The following MAN1A1 variants were observed in gnomAD, a reference collection of about 807,000 sequenced individuals.
MAN1A1 encodes mannosyl-oligosaccharide 1,2-alpha-mannosidase IA.
MAN1A1 carries 29 observed loss-of-function variants against 70.8 expected under a neutral mutation model. The ratio of observed to expected loss-of-function variants is 0.41; its 90% CI spans 0.31 to 0.56. MAN1A1 has a LOEUF of 0.56. Among genes scored for constraint, MAN1A1 ranks in the 20% least tolerant of loss-of-function variants. The pLI is 0.29. For synonymous variants in MAN1A1, 349 were observed against 330.1 expected (o/e 1.06, Z -0.62); for missense variants, 747 against 841.3 (o/e 0.89, Z 1.39).
chr6:119,246,269 G>A (rs1423149289), intron 6 of MAN1A1, among the ~76,000 whole-genome samples: 1 of 152,096 alleles, frequency 6.6e-6, no homozygotes, highest in Non-Finnish European at 1.5e-5. Flanking sequence ...AGAGAAACTA[G>A]CTTCACAGAA....
At chr6:119,257,875 T>C (rs528588336) in intron 5 of MAN1A1, among the ~76,000 whole-genome samples, 63 of 152,288 alleles carry the variant, frequency 4.1e-4, no homozygotes, top group African/African-American at 1.5e-3. Flanking sequence ...CATTATACAG[T>C]GCCTAAAGCT....
chr6:119,329,271 T>C (rs929514897), intron 2 of MAN1A1, among the ~76,000 whole-genome samples: 6 of 152,202 alleles, frequency 3.9e-5, no homozygotes, highest in Admixed American at 3.9e-4. Flanking sequence ...TGAGTACTGA[T>C]TCATAAGACA....
At chr6:119,325,833 G>T (rs75422921) in intron 2 of MAN1A1, among the ~76,000 whole-genome samples, 4,250 of 152,216 alleles carry the variant, frequency 0.028, 93 homozygotes, top group Non-Finnish European at 0.045. Context: ...CCCTACATGT[G>T]GATACAGCAT....
chr6:119,251,793 C>T (rs1775324167), intron 5 of MAN1A1, among the ~76,000 whole-genome samples: 1 of 152,214 alleles, frequency 6.6e-6, no homozygotes, highest in South Asian at 2.1e-4. Context: ...CCACAGGGCT[C>T]CTATGAGTAG....
chr6:119,186,223 G>A (rs964596908), intron 11 of MAN1A1, among the ~76,000 whole-genome samples: 2 of 152,128 alleles, frequency 1.3e-5, no homozygotes, highest in African/African-American at 4.8e-5. Flanking sequence ...GAAAGTCCTT[G>A]GGTTGATGAG....
chr6:119,241,321 T>C (rs1774997604), intron 6 of MAN1A1, among the ~76,000 whole-genome samples: 1 of 152,206 alleles, frequency 6.6e-6, no homozygotes, highest in African/African-American at 2.4e-5. Flanking sequence ...CAGGCCCTAC[T>C]CCTGCTTCCC....
At chr6:119,218,231 A>G (rs1046309689) in intron 6 of MAN1A1, among the ~76,000 whole-genome samples, 1 of 151,976 alleles carries the variant, frequency 6.6e-6, no homozygotes, top group Non-Finnish European at 1.5e-5. Context: ...TTTGATAAAA[A>G]TTTTCAATTT....
chr6:119,265,825 G>A (rs766382327), intron 5 of MAN1A1, among the ~76,000 whole-genome samples: 1 of 152,036 alleles, frequency 6.6e-6, no homozygotes, highest in South Asian at 2.1e-4. Flanking sequence ...TAGGAAAGAA[G>A]AAAAATAAAA....
chr6:119,339,517 G>T (rs1773546361), intron 2 of MAN1A1, among the ~76,000 whole-genome samples: 2 of 152,104 alleles, frequency 1.3e-5, no homozygotes, highest in Non-Finnish European at 1.5e-5. Flanking sequence ...CCGGCGTCGG[G>T]GGGTGGGAAC....
At chr6:119,350,279 C>A (rs1455394886), upstream of MAN1A1, among the ~76,000 whole-genome samples, 2 of 152,158 alleles carry the variant, frequency 1.3e-5, no homozygotes, top group Admixed American at 6.5e-5. Flanking sequence ...CAGTTACCCT[C>A]TTTTTATCCA....
At chr6:119,350,138 G>T (rs1773868396), upstream of MAN1A1, among the ~76,000 whole-genome samples, 2 of 152,160 alleles carry the variant, frequency 1.3e-5, no homozygotes, top group African/African-American at 4.8e-5. Context: ...GCCTGGGTCC[G>T]CGCGGGACCT....
intron 5 of MAN1A1, among the ~76,000 whole-genome samples, chr6:119,271,123 A>C (rs1323020377): frequency 6.6e-6 from 1 of 152,132 alleles, no homozygotes; most frequent in Non-Finnish European, 1.5e-5. Flanking sequence ...ACAACTCTAC[A>C]TTTCACTGGA....
At chr6:119,226,621 A>G (rs752831031) in intron 6 of MAN1A1, among the ~76,000 whole-genome samples, 4 of 152,220 alleles carry the variant, frequency 2.6e-5, no homozygotes, top group Non-Finnish European at 5.9e-5. Flanking sequence ...ATTCATAGGC[A>G]TCTACCAAGA....
chr6:119,222,816 A>C (rs1439592751), intron 6 of MAN1A1, among the ~76,000 whole-genome samples: 2 of 152,148 alleles, frequency 1.3e-5, no homozygotes, highest in African/African-American at 4.8e-5. Context: ...GGAGGAGAAA[A>C]ATCCAGCTTC....
chr6:119,313,574 C>T (rs941400131), intron 2 of MAN1A1, among the ~76,000 whole-genome samples: 2 of 151,432 alleles, frequency 1.3e-5, no homozygotes, highest in Non-Finnish European at 2.9e-5. Context: ...TTAGTAGCTA[C>T]GGTTGCGAGG....
Position 119,275,542 on chromosome 6 carries a change from G to A in MAN1A1, c.897+15141C>T, listed in dbSNP as rs547407864. 4.1e-5 allele frequency among the ~76,000 whole-genome samples: 6 copies of A among 146,874 alleles called. No individual in the cohort carries two copies. The South Asian group carries it at 1.1e-3, about 26-fold the overall frequency. On this transcript the variant is annotated intron_variant, in intron 5 of 12. Coordinates refer to ENST00000368468, the MANE Select transcript of MAN1A1 (RefSeq NM_005907.4). ...GGGATGGTCTTGATCTCCTGACCTC[G>A]TGATCCGCCCGCCTCGGCCTCCCAA...
chr6:119,316,913 G>T (rs1487099406), intron 2 of MAN1A1, among the ~76,000 whole-genome samples: 2 of 149,114 alleles, frequency 1.3e-5, no homozygotes, highest in Non-Finnish European at 3.0e-5. Flanking sequence ...GTCAGATATA[G>T]TTACCTTTTT....
chr6:119,236,059 A>G (rs1484033622), intron 6 of MAN1A1, among the ~76,000 whole-genome samples: 2 of 151,776 alleles, frequency 1.3e-5, no homozygotes, highest in African/African-American at 4.8e-5. Context: ...GAATTGCTTG[A>G]ACCAGGGAGG....
At chr6:119,188,378 T>C in intron 11 of MAN1A1, 27 bp downstream of exon 11, 1 of 1,563,488 alleles carries the variant, frequency 6.4e-7, no homozygotes, top group Non-Finnish European at 8.6e-7. Context: ...AATTTATCTA[T>C]AAGAAACATG....
Sources: gnomAD v4.1 joint callset for allele counts (sites outside exome capture counted in the v4.1 genomes callset) on GRCh38, gnomAD v4.1.1 for gene constraint, MANE v1.5 for transcripts, NCBI Gene and HGNC (gene_info 2026-07-23, HGNC 2026-07-21) for gene names.